The following DGKD variants were observed in gnomAD, a reference collection of about 807,000 sequenced individuals.
DGKD encodes the protein DAG kinase delta.
A neutral mutation model predicts 154.4 loss-of-function variants in DGKD; 68 were observed. The observed-to-expected ratio is 0.44, with a 90% CI of 0.36 to 0.54. The LOEUF (loss-of-function observed/expected upper bound fraction) is 0.54, where lower values mean the gene tolerates loss of function less well. DGKD is among the 20% of genes least tolerant of loss of function. DGKD has a pLI of 0.00. For missense variants in DGKD, 1,343 were observed against 1,593.6 expected (o/e 0.84, Z 2.68); for synonymous variants, 693 against 638.0 (o/e 1.09, Z -1.30).
intron 18 of DGKD, among the ~76,000 whole-genome samples, chr2:233,453,307 C>T (rs951381134): frequency 6.6e-6 from 1 of 152,198 alleles, no homozygotes; most frequent in African/African-American, 2.4e-5. Flanking sequence ...CTGCCCCAGC[C>T]ACTGCCGCCC....
In DGKD at chr2:233,459,936, C is replaced by T; in HGVS notation, c.2829+45C>T. ...GTACCTGGGTGGGGTACAGGGCTCA[C>T]CTGTGGGCTCTTGTGTGCACTGTTA... is the stretch of plus-strand genomic sequence containing the variant. On this transcript the variant is annotated intron_variant, in intron 23 of 29. Transcript: ENST00000264057. The surrounding 1 kb of genome is among the most constrained non-coding windows in gnomAD (Gnocchi z 5.7). 1 of 1,595,154 alleles carries T rather than the reference C, an allele frequency of 6.3e-7. No individual in the cohort carries two copies. Among genetic ancestry groups the T allele is most frequent in the South Asian group, 1.1e-5 (1 of 88,328 alleles).
rs1274485588 is a variant in DGKD at position 233,373,901 on chromosome 2, A to G, written c.157-14356A>G. 2.0e-5 allele frequency among the ~76,000 whole-genome samples: 3 copies of G among 152,320 alleles called. No individual in the cohort carries two copies. In the East Asian group the frequency reaches 5.8e-4, roughly 29 times the overall value. ...TGAATAAATGAAAAAGAAATAACAT[A>G]TAGAATAATAATACACAAAGTAAAA... On this transcript the variant is annotated intron_variant, in intron 1 of 29. Transcript: ENST00000264057.
At chr2:233,456,213 G>A (rs1312508256) in intron 19 of DGKD, among the ~76,000 whole-genome samples, 5 of 152,316 alleles carry the variant, frequency 3.3e-5, no homozygotes, top group African/African-American at 4.8e-5. Flanking sequence ...GACTCCTAGC[G>A]TGTCATTTCC....
chr2:233,441,477 A>G lies in DGKD; in HGVS notation c.1086-410A>G, dbSNP rs1390992973. Among the ~76,000 whole-genome samples, 3 of 152,258 alleles carry G rather than the reference A, an allele frequency of 2.0e-5. No homozygotes were observed. In the East Asian group the frequency reaches 5.8e-4, roughly 29 times the overall value. On this transcript the variant is annotated intron_variant, in intron 9 of 29. Coordinates refer to ENST00000264057, the MANE Select transcript of DGKD (RefSeq NM_152879.3). The surrounding 1 kb of genome is among the most constrained non-coding windows in gnomAD (Gnocchi z 5.6). ...CAGAGGGCATGCTGGGAAGGCTGGC[A>G]GGGGCCACATGTGGATGGGGCAGGG...
intron 3 of DGKD, among the ~76,000 whole-genome samples, chr2:233,393,561 C>T (rs2125453256): frequency 6.6e-6 from 1 of 152,030 alleles, no homozygotes; most frequent in South Asian, 2.1e-4. Flanking sequence ...TGGTCTTGAC[C>T]TCCTGACCTC....
chr2:233,423,946 T>A (rs373478318), intron 3 of DGKD, among the ~76,000 whole-genome samples: 17 of 152,132 alleles, frequency 1.1e-4, no homozygotes, highest in African/African-American at 4.1e-4. Context: ...GCTGCCATCT[T>A]CTCTCTACCT....
chr2:233,415,555 T>C (rs2061940148), intron 3 of DGKD, among the ~76,000 whole-genome samples: 1 of 152,194 alleles, frequency 6.6e-6, no homozygotes, highest in Non-Finnish European at 1.5e-5. Context: ...GGAGTAATTA[T>C]CTCTGATCTT....
In DGKD at chr2:233,469,921, G is replaced by GCCACCCTGTGGCTT. The variant is rs11271445; in HGVS notation, c.*462_*463insCACCCTGTGGCTTC. 43,163 of 156,920 alleles carry GCCACCCTGTGGCTT rather than the reference G, an allele frequency of 0.28. 7,065 individuals carry two copies. Among genetic ancestry groups the GCCACCCTGTGGCTT allele is most frequent in the African/African-American group, 0.47 (19,574 of 41,584 alleles). The allele number at this position is 156,920 out of a possible 1,614,324, so 9.7% of individuals were successfully genotyped here. On this transcript the variant is annotated 3_prime_UTR_variant, in exon 30 of 30. Transcript: ENST00000264057. ...TTCTCAGAAACGTGGCTGGGGCCCA[G>GCCACCCTGTGGCTT]CACAGCAGCCTGCAAGGGCCCCTGT... is the stretch of plus-strand genomic sequence containing the variant.
chr2:233,365,914 AAAG>A (rs936191406), intron 1 of DGKD, among the ~76,000 whole-genome samples: 34 of 152,362 alleles, frequency 2.2e-4, no homozygotes, highest in African/African-American at 6.7e-4. Context: ...GTATATTAGA[AAAG>A]AAGACATGCT....
chr2:233,356,073 G>A (rs562643461), intron 1 of DGKD, among the ~76,000 whole-genome samples: 1 of 152,326 alleles, frequency 6.6e-6, no homozygotes, highest in Non-Finnish European at 1.5e-5. Context: ...AACATTGTAA[G>A]TGCCGCGGAA....
chr2:233,445,775 G>A lies in DGKD; in HGVS notation c.1334+13G>A. ...AGATGCTGGACAGGTGAGTGGGGAT[G>A]TGCTCCGGTGCCGTATGAGGAGACT... On this transcript the variant is annotated intron_variant, in intron 11 of 29. Coordinates refer to ENST00000264057, the MANE Select transcript of DGKD (RefSeq NM_152879.3). The surrounding 1 kb of genome is among the most constrained non-coding windows in gnomAD (Gnocchi z 5.5). The A allele has an allele frequency of 2.5e-6, 4 of 1,602,082 alleles. No homozygotes were observed. The highest frequency in any genetic ancestry group is 3.4e-6 in the Non-Finnish European group (4 of 1,173,218).
At chr2:233,446,918 C>T (rs2063094796) in intron 12 of DGKD, 122 bp downstream of exon 12, 2 of 1,173,880 alleles carry the variant, frequency 1.7e-6, no homozygotes, top group Non-Finnish European at 2.4e-6. Flanking sequence ...GTGTCACAGT[C>T]AGGCCTGCGG....
chr2:233,367,297 C>T (rs1273987364), intron 1 of DGKD, among the ~76,000 whole-genome samples: 2 of 151,534 alleles, frequency 1.3e-5, no homozygotes, highest in South Asian at 2.1e-4. Flanking sequence ...GGTGCGATCT[C>T]GGCTCACTGC....
chr2:233,426,420 C>T (rs534233647), intron 3 of DGKD, among the ~76,000 whole-genome samples: 34 of 152,272 alleles, frequency 2.2e-4, no homozygotes, highest in African/African-American at 7.9e-4. Context: ...TGCATGTTCC[C>T]GACCACGGAG....
In DGKD at chr2:233,470,700, C is replaced by A. The variant is rs1343793696; in HGVS notation, c.*1240C>A. ...TTTGCCCTTTTTTCCCGTTGATAGT[C>A]ATGGCTCAGAGGTGCTTGTAAATGT... On this transcript the variant is annotated 3_prime_UTR_variant, in exon 30 of 30. Transcript: ENST00000264057. 1.3e-5 allele frequency: 2 copies of A among 152,282 alleles called. No individual in the cohort carries two copies. Among genetic ancestry groups the A allele is most frequent in the Admixed American group, 6.5e-5 (1 of 15,286 alleles). The allele number at this position is 152,282 out of a possible 1,614,324, so 9.4% of individuals were successfully genotyped here.
In DGKD at chr2:233,440,683, C is replaced by G. The variant is rs115737830; in HGVS notation, c.1086-1204C>G. ...CCAGGCAGCAGCAGAAAGGTGGCAC[C>G]TGCCGTCAGGGAGGGCTGCGGGTGC... On this transcript the variant is annotated intron_variant, in intron 9 of 29. Transcript: ENST00000264057. The surrounding 1 kb of genome is among the most constrained non-coding windows in gnomAD (Gnocchi z 4.9). 9.7e-3 allele frequency among the ~76,000 whole-genome samples: 1,477 copies of G among 152,260 alleles called. 28 individuals are homozygous for G. The highest frequency in any genetic ancestry group is 0.033 in the African/African-American group (1,386 of 41,538).
At chr2:233,447,652 CCTTCT>C in intron 12 of DGKD, 1 of 1,009,308 alleles carries the variant, frequency 9.9e-7, no homozygotes, top group Non-Finnish European at 1.2e-6. Context: ...ATAGGGCTGC[CCTTCT>C]GACAGCCAGA....
Position 233,390,453 on chromosome 2 carries a change from C to G in DGKD, c.318C>G (p.Ser106=). Residue 106 remains serine (S), a synonymous_variant, in exon 3 of 30, where the codon TCC becomes TCG. Transcript: ENST00000264057. ...VDLTDASVAE[S]STKNVNNSFT... is the part of the protein sequence containing the mutation. ...TGACAGATGCCAGCGTAGCTGAATC[C>G]AGTACCAAAAACGTCAACAACAGTT... The G allele has an allele frequency of 6.2e-7, 1 of 1,614,044 alleles. No individual in the cohort carries two copies. Among genetic ancestry groups the G allele is most frequent in the Non-Finnish European group, 8.5e-7 (1 of 1,179,976 alleles).
intron 1 of DGKD, among the ~76,000 whole-genome samples, chr2:233,355,136 ACTTCC>A (rs944230379): frequency 2.0e-5 from 3 of 151,892 alleles, no homozygotes; most frequent in Non-Finnish European, 2.9e-5. Context: ...TGCCCTGCAG[ACTTCC>A]CTGTGGTGCC....
Sources: gnomAD v4.1 joint callset for allele counts (sites outside exome capture counted in the v4.1 genomes callset) on GRCh38, gnomAD v4.1.1 for gene constraint, Gnocchi (gnomAD v3.1) non-coding constraint, MANE v1.5 for transcripts, NCBI Gene and HGNC (gene_info 2026-07-23, HGNC 2026-07-21) for gene names.